CDC42SE2: variants seen among roughly 807,000 people sequenced by gnomAD.
The protein encoded by CDC42SE2 is CDC42 small effector protein 2.
A neutral mutation model predicts 11.5 loss-of-function variants in CDC42SE2; 3 were observed. The ratio of observed to expected loss-of-function variants is 0.26; its 90% confidence interval spans 0.12 to 0.67. The LOEUF is 0.67. Among genes scored for constraint, CDC42SE2 ranks in the 30% least tolerant of loss-of-function variants. The pLI, the probability that CDC42SE2 is intolerant of heterozygous loss-of-function variation, is 0.80. For missense variants in CDC42SE2, 82 were observed against 106.8 expected (o/e 0.77, Z 1.02); for synonymous variants, 33 against 34.8 (o/e 0.95, Z 0.18).
chr5:131,331,228 C>T (rs905293268), intron 2 of CDC42SE2, among the ~76,000 whole-genome samples: 4 of 151,952 alleles, frequency 2.6e-5, no homozygotes, highest in African/African-American at 4.8e-5. Flanking sequence ...GGAAATTCTA[C>T]GTACTATATA....
chr5:131,234,732 G>GGC, the CDC42SE2 span, among the ~76,000 whole-genome samples: 1 of 151,996 alleles, frequency 6.6e-6, no homozygotes, highest in South Asian at 2.1e-4. Context: ...AGGCCAAAAA[G>GGC]TTCTTGCCTT....
intron 1 of CDC42SE2, among the ~76,000 whole-genome samples, chr5:131,246,104 T>C (rs1184006153): frequency 6.6e-6 from 1 of 152,226 alleles, no homozygotes; most frequent in Non-Finnish European, 1.5e-5. Context: ...CATGCTTTCT[T>C]TCCCTGAGGA....
chr5:131,322,401 A>T (rs1449096678), intron 2 of CDC42SE2, among the ~76,000 whole-genome samples: 1 of 152,228 alleles, frequency 6.6e-6, no homozygotes, highest in Non-Finnish European at 1.5e-5. Flanking sequence ...TTCCTCATGT[A>T]AATGGAATCA....
At chr5:131,341,145 A>G (rs960953097) in intron 2 of CDC42SE2, among the ~76,000 whole-genome samples, 3 of 152,210 alleles carry the variant, frequency 2.0e-5, no homozygotes, top group African/African-American at 7.2e-5. Flanking sequence ...GTCCCATGGT[A>G]TAGGTACTAT....
the CDC42SE2 span, among the ~76,000 whole-genome samples, chr5:131,235,557 G>C: frequency 5.9e-5 from 9 of 151,682 alleles, no homozygotes; most frequent in Non-Finnish European, 1.3e-4. Context: ...AAAAATGCTG[G>C]GATTACAGGT....
At chr5:131,243,555 C>T (rs569747707), upstream of CDC42SE2, among the ~76,000 whole-genome samples, 48 of 152,298 alleles carry the variant, frequency 3.2e-4, 1 homozygote, top group East Asian at 9.3e-3. Flanking sequence ...CACTGCACTC[C>T]AGCCTGGGTG....
intron 2 of CDC42SE2, among the ~76,000 whole-genome samples, chr5:131,324,051 G>A (rs1430943863): frequency 6.6e-6 from 1 of 152,122 alleles, no homozygotes; most frequent in East Asian, 1.9e-4. Context: ...TTTACATTTT[G>A]AGTAAATTAC....
At chr5:131,338,781 C>T (rs1054597627) in intron 2 of CDC42SE2, among the ~76,000 whole-genome samples, 4 of 152,164 alleles carry the variant, frequency 2.6e-5, no homozygotes, top group Admixed American at 6.5e-5. Flanking sequence ...TAAACCAGTA[C>T]ACCATACTGC....
chr5:131,285,115 C>T (rs1353126267), intron 1 of CDC42SE2, among the ~76,000 whole-genome samples: 6 of 151,278 alleles, frequency 4.0e-5, no homozygotes, highest in Admixed American at 6.6e-5. Context: ...TAAAAAAACC[C>T]TGTCTCTGAA....
chr5:131,268,775 T>TTG (rs1756928489), intron 1 of CDC42SE2, among the ~76,000 whole-genome samples: 1 of 147,796 alleles, frequency 6.8e-6, no homozygotes, highest in Non-Finnish European at 1.5e-5. Context: ...TTTTTTTTTT[T>TTG]GAGACAGAGT....
At chr5:131,275,836 A>G (rs368499313) in intron 1 of CDC42SE2, among the ~76,000 whole-genome samples, 96 of 151,692 alleles carry the variant, frequency 6.3e-4, no homozygotes, top group African/African-American at 2.3e-3. Context: ...AGTTATTAGT[A>G]TGCCTGTCCT....
At chr5:131,377,386 C>G (rs1750188246) in intron 3 of CDC42SE2, among the ~76,000 whole-genome samples, 3 of 152,044 alleles carry the variant, frequency 2.0e-5, no homozygotes, top group Non-Finnish European at 4.4e-5. Context: ...CCAGGCTGGT[C>G]TCGAACTCCT....
chr5:131,301,285 A>G (rs963699790), intron 1 of CDC42SE2, among the ~76,000 whole-genome samples: 15 of 152,264 alleles, frequency 9.9e-5, no homozygotes, highest in Admixed American at 5.9e-4. Flanking sequence ...CGGGAGGATG[A>G]CTATAGTTAA....
intron 4 of CDC42SE2, among the ~76,000 whole-genome samples, chr5:131,386,109 G>A (rs915790578): frequency 4.6e-5 from 7 of 152,170 alleles, no homozygotes; most frequent in Non-Finnish European, 7.3e-5. Context: ...GACCAGTTTC[G>A]TGGAAGACAG....
intron 2 of CDC42SE2, among the ~76,000 whole-genome samples, chr5:131,337,780 A>G (rs1333560968): frequency 1.3e-5 from 2 of 152,262 alleles, no homozygotes; most frequent in African/African-American, 2.4e-5. Context: ...TGTGTGGGAT[A>G]TAATCTCCTG....
intron 2 of CDC42SE2, among the ~76,000 whole-genome samples, chr5:131,336,509 T>C (rs1039094814): frequency 1.3e-5 from 2 of 152,222 alleles, no homozygotes; most frequent in African/African-American, 4.8e-5. Context: ...TGAATTTGAA[T>C]GTTGGCTTGC....
chr5:131,215,895 A>C, the CDC42SE2 span, among the ~76,000 whole-genome samples: 1 of 152,356 alleles, frequency 6.6e-6, no homozygotes, highest in Non-Finnish European at 1.5e-5. Flanking sequence ...CTGTCTTTTA[A>C]AAATTATGAT....
intron 2 of CDC42SE2, among the ~76,000 whole-genome samples, chr5:131,337,691 G>A (rs551047529): frequency 2.6e-5 from 4 of 152,270 alleles, no homozygotes; most frequent in East Asian, 3.9e-4. Context: ...CCCCAGCCTC[G>A]CTGCTACTTT....
At chr5:131,310,052 T>C (rs1757868644) in intron 1 of CDC42SE2, among the ~76,000 whole-genome samples, 1 of 152,256 alleles carries the variant, frequency 6.6e-6, no homozygotes, top group Non-Finnish European at 1.5e-5. Context: ...GTGTCAATTT[T>C]GGATCTTTCC....
Sources: gnomAD v4.1 joint callset for allele counts (sites outside exome capture counted in the v4.1 genomes callset) on GRCh38, gnomAD v4.1.1 for gene constraint, MANE v1.5 for transcripts, NCBI Gene and HGNC (gene_info 2026-07-23, HGNC 2026-07-21) for gene names.